The following GPATCH2 variants were observed in gnomAD, a reference collection of about 807,000 sequenced individuals.
GPATCH2 encodes G patch domain-containing protein 2.
GPATCH2 carries 51 observed loss-of-function variants against 58.0 expected under a neutral mutation model. The ratio of observed to expected loss-of-function variants is 0.88; its 90% CI spans 0.70 to 1.11. The LOEUF is 1.11. Ranked by LOEUF, GPATCH2 falls within the 50% of genes most tolerant of loss-of-function variation. GPATCH2 has a pLI of 0.00. For synonymous variants in GPATCH2, 222 were observed against 218.5 expected, an observed-to-expected ratio of 1.02 and a Z score of -0.14; for missense variants, 625 against 652.2, an observed-to-expected ratio of 0.96 and a Z score of 0.45.
At chr1:217,497,633 C>T (rs1662077976) in intron 7 of GPATCH2, among the ~76,000 whole-genome samples, 1 of 152,084 alleles carries the variant, frequency 6.6e-6, no homozygotes, top group Non-Finnish European at 1.5e-5. Context: ...TCTGCCTACC[C>T]CTCAGAAGAA....
chr1:217,539,277 T>A (rs1203725803), intron 5 of GPATCH2, among the ~76,000 whole-genome samples: 1 of 152,210 alleles, frequency 6.6e-6, no homozygotes, highest in East Asian at 1.9e-4. Context: ...AAATGGTTAT[T>A]CTCTCAGTAA....
chr1:217,602,556 G>T (rs1220562872), intron 5 of GPATCH2, among the ~76,000 whole-genome samples: 2 of 152,176 alleles, frequency 1.3e-5, no homozygotes, highest in Non-Finnish European at 2.9e-5. Flanking sequence ...ACAGCTATGA[G>T]GCACATTGTA....
chr1:217,486,575 C>T (rs1281558730), intron 8 of GPATCH2, among the ~76,000 whole-genome samples: 1 of 152,168 alleles, frequency 6.6e-6, no homozygotes. Context: ...TCAAGTGATC[C>T]TCCCGCCTTG....
intron 2 of GPATCH2, among the ~76,000 whole-genome samples, chr1:217,619,128 T>A (rs2102836757): frequency 6.6e-6 from 1 of 152,324 alleles, no homozygotes; most frequent in South Asian, 2.1e-4. Context: ...GCAAGTAGCA[T>A]CACTTCATCA....
At chr1:217,506,335 C>CT (rs1170553163) in intron 6 of GPATCH2, among the ~76,000 whole-genome samples, 1 of 152,088 alleles carries the variant, frequency 6.6e-6, no homozygotes, top group African/African-American at 2.4e-5. Context: ...ATTGAAGAGA[C>CT]TTGCAAGTAT....
chr1:217,494,701 G>A (rs1050337093), intron 7 of GPATCH2, among the ~76,000 whole-genome samples: 14 of 151,718 alleles, frequency 9.2e-5, no homozygotes, highest in African/African-American at 1.9e-4. Flanking sequence ...CCGAGATTGC[G>A]CCACTGCACT....
intron 5 of GPATCH2, among the ~76,000 whole-genome samples, chr1:217,595,651 C>T (rs937242511): frequency 6.6e-6 from 1 of 152,018 alleles, no homozygotes; most frequent in Non-Finnish European, 1.5e-5. Flanking sequence ...AGGCATGTAC[C>T]ACCACGCTTG....
intron 6 of GPATCH2, among the ~76,000 whole-genome samples, chr1:217,504,473 A>G (rs190058354): frequency 6.6e-6 from 1 of 152,340 alleles, no homozygotes; most frequent in East Asian, 1.9e-4. Flanking sequence ...AATAACACTA[A>G]CAGAAATAGT....
chr1:217,626,510 T>A (rs1424615367), intron 1 of GPATCH2, among the ~76,000 whole-genome samples: 1 of 152,106 alleles, frequency 6.6e-6, no homozygotes, highest in Non-Finnish European at 1.5e-5. Flanking sequence ...TGACTAAACA[T>A]GCAAATGGTG....
chr1:217,524,848 G>A (rs1242856291), intron 5 of GPATCH2, among the ~76,000 whole-genome samples: 2 of 4,940 alleles, frequency 4.0e-4, no homozygotes, highest in South Asian at 0.019. Flanking sequence ...GAGGGAGACC[G>A]GGGAGAGGGG....
intron 9 of GPATCH2, among the ~76,000 whole-genome samples, chr1:217,438,926 G>A (rs966606702): frequency 6.6e-6 from 1 of 152,188 alleles, no homozygotes; most frequent in Non-Finnish European, 1.5e-5. Flanking sequence ...AATAGTGGGA[G>A]ATTTAACACT....
chr1:217,444,341 C>T (rs561796628), intron 9 of GPATCH2, among the ~76,000 whole-genome samples: 72 of 152,256 alleles, frequency 4.7e-4, no homozygotes, highest in African/African-American at 1.6e-3. Context: ...GGTTTTTGAG[C>T]TTGCCAGTAG....
intron 5 of GPATCH2, among the ~76,000 whole-genome samples, chr1:217,579,423 CTT>C (rs1666955515): frequency 6.6e-6 from 1 of 151,560 alleles, no homozygotes; most frequent in Admixed American, 6.6e-5. Context: ...CCTGCCAGAT[CTT>C]TTTAACTTAT....
At chr1:217,585,299 AT>A (rs1667287116) in intron 5 of GPATCH2, among the ~76,000 whole-genome samples, 1 of 152,146 alleles carries the variant, frequency 6.6e-6, no homozygotes, top group South Asian at 2.1e-4. Flanking sequence ...TCTAATATTA[AT>A]TGGTAAAAAG....
At chr1:217,550,542 T>C (rs538581585) in intron 5 of GPATCH2, among the ~76,000 whole-genome samples, 2 of 152,180 alleles carry the variant, frequency 1.3e-5, no homozygotes, top group African/African-American at 2.4e-5. Flanking sequence ...TTTTAGTGAA[T>C]GACACTCGTC....
intron 8 of GPATCH2, among the ~76,000 whole-genome samples, chr1:217,466,785 A>C (rs1398105009): frequency 1.3e-5 from 2 of 152,198 alleles, no homozygotes; most frequent in Non-Finnish European, 2.9e-5. Context: ...GAATGAGGGC[A>C]AGAGAAAGGA....
chr1:217,511,811 G>A (rs537443364), intron 6 of GPATCH2, among the ~76,000 whole-genome samples: 133 of 122,266 alleles, frequency 1.1e-3, no homozygotes, highest in African/African-American at 3.3e-3. Context: ...TAACTTAACT[G>A]GAAGTCTGTG....
chr1:217,500,729 A>G (rs1396215227), intron 6 of GPATCH2, among the ~76,000 whole-genome samples: 4 of 152,080 alleles, frequency 2.6e-5, no homozygotes, highest in Admixed American at 2.0e-4. Context: ...TGGGTCCTCC[A>G]GTATGAGAAA....
chr1:217,485,726 G>A (rs1054415322), intron 8 of GPATCH2, among the ~76,000 whole-genome samples: 1 of 152,124 alleles, frequency 6.6e-6, no homozygotes, highest in African/African-American at 2.4e-5. Context: ...ATAGCCTATT[G>A]CTTCTAGGGT....
Sources: allele counts gnomAD v4.1 joint callset (sites outside exome capture counted in the v4.1 genomes callset), GRCh38; gene constraint gnomAD v4.1.1; transcripts MANE v1.5; gene names NCBI Gene and HGNC (gene_info 2026-07-23, HGNC 2026-07-21).